Variants in PCNT observed in about 807,000 individuals in gnomAD.
PCNT encodes the protein pericentrin.
A neutral mutation model predicts 380.4 loss-of-function variants in PCNT; 319 were observed. The observed-to-expected ratio is 0.84, with a 90% CI of 0.77 to 0.92. The LOEUF (loss-of-function observed/expected upper bound fraction) is 0.92. Among genes scored for constraint, PCNT ranks in the 40% least tolerant of loss-of-function variants. PCNT has a pLI of 0.00. For missense variants in PCNT, 4,400 were observed against 4,255.3 expected (o/e 1.03, Z -0.95); for synonymous variants, 1,845 against 1,735.2 (o/e 1.06, Z -1.57).
intron 44 of PCNT, chr21:46,442,916 A>T (rs2053649621): frequency 2.9e-6 from 1 of 347,478 alleles, no homozygotes; most frequent in Admixed American, 4.4e-5. Context: ...GTAGAGCATC[A>T]TGCTTATTTC....
chr21:46,445,061 TG>T (rs910627078), intron 46 of PCNT, among the ~76,000 whole-genome samples: 2 of 152,194 alleles, frequency 1.3e-5, no homozygotes, highest in African/African-American at 4.8e-5. Context: ...TGGACTTTTT[TG>T]TCCTTTCTCT....
At position 46,411,112 on chromosome 21, in the gene PCNT, G is replaced by A. The variant is rs569220813; in HGVS notation, c.5116-77G>A. The A allele has an allele frequency of 7.9e-6, 11 of 1,394,262 alleles. No homozygotes were observed. The South Asian group carries it at 1.3e-4, about 16-fold the overall frequency. 86.4% of individuals were successfully genotyped at this position (1,394,262 alleles called of 1,614,324 possible). On this transcript the variant is annotated intron_variant, in intron 27 of 46. Coordinates refer to ENST00000359568, the MANE Select transcript of PCNT (RefSeq NM_006031.6). Reference sequence around the variant, plus strand: ...GTCTTCACTCCAAGAATGCATTCAGGATGTAACGTGCCCTGAAGTAGGGAC... The same window carrying A: ...GTCTTCACTCCAAGAATGCATTCAGAATGTAACGTGCCCTGAAGTAGGGAC...
Position 46,334,628 on chromosome 21 carries a change from G to A in PCNT, c.499G>A (p.Glu167Lys). Residue 167 changes from glutamate to lysine, a missense_variant, in exon 3 of 47, where the codon GAA becomes AAA. Coordinates refer to ENST00000359568, the MANE Select transcript of PCNT (RefSeq NM_006031.6). ...GTTCACAGTCAGTGACCACCCACCA[G>A]AACAGCGTGGGATGTTCACAATCAG... Reference protein sequence around the residue: ...GMFTVSDHPPEQRGMFTISDH... With the variant: ...GMFTVSDHPPKQRGMFTISDH... 1 of 1,607,820 alleles carries A rather than the reference G, an allele frequency of 6.2e-7. No individual in the cohort carries two copies. Among genetic ancestry groups the A allele is most frequent in the South Asian group, 1.1e-5 (1 of 90,846 alleles).
rs145451194 is a variant in PCNT, at chr21:46,366,873, A to G, written c.2899A>G (p.Ser967Gly). The change falls in exon 15 of 47, where the codon AGC (serine) becomes GGC (glycine). Residue 967 changes from serine to glycine, a missense_variant. Transcript: ENST00000359568. ...CGCTCTGGAGACCAGACATCTGTCC[A>G]GCCTTGATTCTTTGGAATCCTGTTA... Reference protein sequence around the residue: ...LGALETRHLSSLDSLESCYLS... With the variant: ...LGALETRHLSGLDSLESCYLS... The G allele has an allele frequency of 1.9e-5, 31 of 1,614,178 alleles. No homozygotes were observed. The highest frequency in any genetic ancestry group is 1.6e-4 in the Middle Eastern group (1 of 6,062).
At chr21:46,399,467 T>A (rs1190122150) in intron 24 of PCNT, 123 bp from the exon 25 acceptor site, 4 of 722,588 alleles carry the variant, frequency 5.5e-6, no homozygotes, top group Non-Finnish European at 9.9e-6. Context: ...GGTCTCCCTT[T>A]GGGTCTAGGG....
chr21:46,432,781 C>T (rs1253747186), intron 38 of PCNT, among the ~76,000 whole-genome samples: 1 of 152,106 alleles, frequency 6.6e-6, no homozygotes, highest in African/African-American at 2.4e-5. Context: ...CATGCCACCA[C>T]GCCTGGCTAA....
At chr21:46,375,564 G>A (rs557175156) in intron 15 of PCNT, among the ~76,000 whole-genome samples, 108 of 152,230 alleles carry the variant, frequency 7.1e-4, no homozygotes, top group Non-Finnish European at 1.1e-3. Flanking sequence ...CCAGGCTAGA[G>A]CCTCTGCCAG....
chr21:46,346,353 C>G (rs1222119149), intron 4 of PCNT, 145 bp downstream of exon 4: 8 of 741,996 alleles, frequency 1.1e-5, no homozygotes, highest in Non-Finnish European at 1.8e-5. Context: ...GTGGGGCCAT[C>G]AGCAGGGCCG....
Position 46,431,755 on chromosome 21 carries a change from A to G in PCNT, c.8291A>G (p.Glu2764Gly), listed in dbSNP as rs554497401. ...GAGCTGTCAGAGGCCTTGCGGCACGAGCGGCTCCTGACCGAGCAGCTGAGC... is the reference window on the plus strand; with the variant it reads ...GAGCTGTCAGAGGCCTTGCGGCACGGGCGGCTCCTGACCGAGCAGCTGAGC... ...TLELSEALRH[E>G]RLLTEQLSQR... The change falls in exon 38 of 47, where the codon GAG becomes GGG. Residue 2764 changes from glutamate to glycine, a missense_variant. Glu to Gly is a moderately conservative substitution (Grantham distance 98). Coordinates refer to ENST00000359568, the MANE Select transcript of PCNT (RefSeq NM_006031.6). The G allele has an allele frequency of 7.4e-6, 12 of 1,612,648 alleles. No homozygotes were observed. In the South Asian group the frequency reaches 8.8e-5, roughly 12 times the overall value.
rs767323117 is a variant in PCNT at position 46,412,877 on chromosome 21, C to G, written c.6035C>G (p.Pro2012Arg). The G allele has an allele frequency of 6.2e-7, 1 of 1,612,870 alleles. No individual in the cohort carries two copies. Among genetic ancestry groups the G allele is most frequent in the Non-Finnish European group, 8.5e-7 (1 of 1,180,030 alleles). Residue 2012 changes from proline to arginine, a missense_variant, in exon 29 of 47, where the codon CCT becomes CGT. Physicochemically the swap from Pro to Arg is moderately radical, Grantham distance 103. Transcript: ENST00000359568. ...GTCCTGGTGACGTTGAAGGATGCAC[C>G]TCTCTGCAAGCAAGAAGGCGTGATG... is the stretch of plus-strand genomic sequence containing the variant. ...QPVLVTLKDA[P>R]LCKQEGVMSV...
At chr21:46,414,351 G>A (rs551609354) in intron 29 of PCNT, among the ~76,000 whole-genome samples, 32 of 151,954 alleles carry the variant, frequency 2.1e-4, no homozygotes, top group African/African-American at 7.5e-4. Flanking sequence ...AAGGCCCAGC[G>A]CAGCCTCCCT....
intron 3 of PCNT, 113 bp from the exon 4 acceptor site, chr21:46,346,015 T>C: frequency 1.0e-6 from 1 of 989,408 alleles, no homozygotes; most frequent in Non-Finnish European, 1.6e-6. Flanking sequence ...GTGGTGCTGC[T>C]GTGAACAGCT....
intron 14 of PCNT, among the ~76,000 whole-genome samples, chr21:46,364,945 G>A (rs536897121): frequency 5.3e-5 from 8 of 152,328 alleles, no homozygotes; most frequent in Admixed American, 2.0e-4. Flanking sequence ...CTTGCCATCC[G>A]TCCTGTGTCG....
intron 15 of PCNT, among the ~76,000 whole-genome samples, chr21:46,373,431 CTTTTT>C (rs35866515): frequency 1.7e-5 from 2 of 116,646 alleles, no homozygotes; most frequent in Non-Finnish European, 1.7e-5. Context: ...TGTCAATACT[CTTTTT>C]TTTTTTTTTT....
At chr21:46,412,090 G>A (rs1363530190) in intron 28 of PCNT, 23 bp downstream of exon 28, 5 of 1,599,560 alleles carry the variant, frequency 3.1e-6, no homozygotes, top group Non-Finnish European at 4.2e-6. Flanking sequence ...CGCGGGCCAT[G>A]GCAGGGTATT....
intron 15 of PCNT, among the ~76,000 whole-genome samples, chr21:46,377,738 C>G (rs1349110755): frequency 6.6e-6 from 1 of 152,140 alleles, no homozygotes; most frequent in Non-Finnish European, 1.5e-5. Flanking sequence ...GTTCCAGCTA[C>G]TCAGAGGCTG....
chr21:46,399,128 A>T lies in PCNT; in HGVS notation c.4585-462A>T, dbSNP rs182582933. The stretch of plus-strand genomic sequence containing the variant: ...GCCACCGCGCCGGCTGTAGTATTCC[A>T]TTCTTTTCTATCAGAATAGATTTCA... On this transcript the variant is annotated intron_variant, in intron 24 of 46. Transcript: ENST00000359568. 4.5e-3 allele frequency among the ~76,000 whole-genome samples: 680 copies of T among 152,346 alleles called. 6 individuals carry two copies. The highest frequency in any genetic ancestry group is 0.016 in the African/African-American group (655 of 41,586).
intron 25 of PCNT, among the ~76,000 whole-genome samples, chr21:46,400,489 G>GTC (rs1569254418): frequency 6.8e-6 from 1 of 146,500 alleles, no homozygotes; most frequent in Non-Finnish European, 1.5e-5. Flanking sequence ...GAGAGGAGGA[G>GTC]TCTTTCTCAG....
At chr21:46,365,274 C>T (rs572176211) in intron 14 of PCNT, among the ~76,000 whole-genome samples, 2 of 135,912 alleles carry the variant, frequency 1.5e-5, no homozygotes, top group East Asian at 2.3e-4. Flanking sequence ...TCTGTTCACT[C>T]CCATAGGGTT....
Sources: allele counts gnomAD v4.1 joint callset (sites outside exome capture counted in the v4.1 genomes callset), GRCh38; gene constraint gnomAD v4.1.1; transcripts MANE v1.5; gene names NCBI Gene and HGNC (gene_info 2026-07-23, HGNC 2026-07-21).